Variants in SH3RF1 observed in about 807,000 individuals in gnomAD.
SH3RF1 encodes the protein E3 ubiquitin-protein ligase SH3RF1.
In SH3RF1, 32 loss-of-function variants were observed where a neutral mutation model predicts 74.0. That is an observed-to-expected ratio of 0.43 (90% CI 0.33 to 0.58). The LOEUF is 0.58. Ranked by LOEUF, SH3RF1 falls within the 20% of genes least tolerant of loss-of-function variation. SH3RF1 has a pLI of 0.05. For synonymous variants in SH3RF1, 396 were observed against 439.6 expected (o/e 0.90, Z 1.24); for missense variants, 954 against 1,130.9 (o/e 0.84, Z 2.24).
intron 2 of SH3RF1, among the ~76,000 whole-genome samples, chr4:169,206,107 T>A (rs1730252902): frequency 6.6e-6 from 1 of 152,246 alleles, no homozygotes; most frequent in African/African-American, 2.4e-5. Flanking sequence ...ATCAATAATT[T>A]CAAGGATTTT....
chr4:169,218,723 C>G (rs1316491744), intron 2 of SH3RF1, among the ~76,000 whole-genome samples: 3 of 151,814 alleles, frequency 2.0e-5, no homozygotes, highest in African/African-American at 7.3e-5. Context: ...CTTTTTATAG[C>G]TGGTGAAAGC....
In SH3RF1 at chr4:169,136,620, A is replaced by T; in HGVS notation, c.766T>A (p.Phe256Ile). The T allele has an allele frequency of 6.7e-7, 1 of 1,494,274 alleles. No individual in the cohort carries two copies. 92.6% of individuals were successfully genotyped at this position (1,494,274 alleles called of 1,614,324 possible). ...IGIFPISYVE[F>I]NSAAKQLIEW... ...ATCAGCTGCTTAGCAGCCGAGTTAA[A>T]CTGCAAAAGCAACCAACAAACCAAC... is the stretch of plus-strand genomic sequence containing the variant. The change falls in exon 5 of 12, where the codon TTT (phenylalanine) becomes ATT (isoleucine). Residue 256 changes from phenylalanine to isoleucine, a missense_variant and splice_region_variant. Physicochemically the swap from Phe to Ile is conservative, Grantham distance 21. This residue lies in a region of SH3RF1 where 854 missense variants were observed against 962.5 expected (regional missense o/e 0.89). Transcript: ENST00000284637.
chr4:169,130,807 C>T (rs956113617), intron 5 of SH3RF1, among the ~76,000 whole-genome samples: 2 of 152,200 alleles, frequency 1.3e-5, no homozygotes, highest in African/African-American at 2.4e-5. Context: ...TTGAGTTATT[C>T]AGGTCATTTC....
chr4:169,240,373 T>C (rs1579157672), intron 2 of SH3RF1, among the ~76,000 whole-genome samples: 1 of 151,862 alleles, frequency 6.6e-6, no homozygotes, highest in Non-Finnish European at 1.5e-5. Flanking sequence ...ATTTTTTTAA[T>C]TTTTTGCAGA....
At chr4:169,225,023 A>T (rs1263334121) in intron 2 of SH3RF1, among the ~76,000 whole-genome samples, 2 of 152,202 alleles carry the variant, frequency 1.3e-5, no homozygotes, top group Non-Finnish European at 2.9e-5. Flanking sequence ...AAAAAGAGGG[A>T]GACCAGCTCA....
chr4:169,100,064 C>T (rs926872683), intron 11 of SH3RF1, among the ~76,000 whole-genome samples: 3 of 152,292 alleles, frequency 2.0e-5, no homozygotes, highest in Non-Finnish European at 4.4e-5. Context: ...CATTGAAAGG[C>T]TTTGCCAAGT....
chr4:169,227,505 G>C (rs866418372), intron 2 of SH3RF1, among the ~76,000 whole-genome samples: 3 of 152,202 alleles, frequency 2.0e-5, no homozygotes, highest in African/African-American at 7.2e-5. Context: ...TGGAATTTAT[G>C]CTTTAGAACT....
At chr4:169,236,296 G>A (rs1056455011) in intron 2 of SH3RF1, among the ~76,000 whole-genome samples, 2 of 152,178 alleles carry the variant, frequency 1.3e-5, no homozygotes, top group East Asian at 1.9e-4. Flanking sequence ...GCCAGAACTC[G>A]ACTTGCCAAT....
chr4:169,270,761 G>GGC (rs1731437420), intron 1 of SH3RF1, 98 bp downstream of exon 1: 1 of 152,188 alleles, frequency 6.6e-6, no homozygotes, highest in Non-Finnish European at 1.5e-5. Flanking sequence ...ACCGACCCAG[G>GGC]GCGGGGATGG....
intron 2 of SH3RF1, among the ~76,000 whole-genome samples, chr4:169,179,912 T>A (rs1579122804): frequency 6.6e-6 from 1 of 152,220 alleles, no homozygotes; most frequent in East Asian, 1.9e-4. Flanking sequence ...GCCTTGGTAA[T>A]CATGGTGGAT....
intron 2 of SH3RF1, among the ~76,000 whole-genome samples, chr4:169,265,088 A>G (rs1273171973): frequency 6.6e-6 from 1 of 152,150 alleles, no homozygotes; most frequent in African/African-American, 2.4e-5. Flanking sequence ...TGTGTCTTAG[A>G]ACTTACTTAA....
At chr4:169,108,529 G>T (rs1011220450) in intron 10 of SH3RF1, among the ~76,000 whole-genome samples, 2 of 152,166 alleles carry the variant, frequency 1.3e-5, no homozygotes, top group African/African-American at 4.8e-5. Context: ...GCTAGAAATG[G>T]GAAGAGAGGG....
At chr4:169,190,087 G>A (rs965176454) in intron 2 of SH3RF1, among the ~76,000 whole-genome samples, 1 of 152,096 alleles carries the variant, frequency 6.6e-6, no homozygotes, top group Non-Finnish European at 1.5e-5. Context: ...GTGCCAAGAG[G>A]AAAGTTCATA....
chr4:169,146,903 T>C (rs1418441297), intron 4 of SH3RF1, among the ~76,000 whole-genome samples: 1 of 151,994 alleles, frequency 6.6e-6, no homozygotes, highest in Non-Finnish European at 1.5e-5. Flanking sequence ...TCCTGGAGGA[T>C]GAAAGGCCTA....
chr4:169,110,149 A>C (rs1733216357), intron 10 of SH3RF1, among the ~76,000 whole-genome samples: 1 of 151,946 alleles, frequency 6.6e-6, no homozygotes, highest in Admixed American at 6.5e-5. Context: ...CCAAGGCGGC[A>C]GGATTGCTTG....
At chr4:169,250,030 G>A (rs1171701452) in intron 2 of SH3RF1, among the ~76,000 whole-genome samples, 1 of 152,118 alleles carries the variant, frequency 6.6e-6, no homozygotes, top group Non-Finnish European at 1.5e-5. Flanking sequence ...CTCAAGTCAC[G>A]ACACAGCCAA....
At chr4:169,189,354 C>A (rs921055012) in intron 2 of SH3RF1, among the ~76,000 whole-genome samples, 2 of 152,226 alleles carry the variant, frequency 1.3e-5, no homozygotes, top group African/African-American at 4.8e-5. Flanking sequence ...ATCTGGTATT[C>A]TATTTTGACC....
chr4:169,140,899 A>G (rs1389948654), intron 4 of SH3RF1, among the ~76,000 whole-genome samples: 2 of 151,812 alleles, frequency 1.3e-5, no homozygotes, highest in East Asian at 3.9e-4. Flanking sequence ...TGTCCAACCC[A>G]CGGTCCTCTA....
intron 2 of SH3RF1, among the ~76,000 whole-genome samples, chr4:169,265,016 T>C (rs900050928): frequency 6.6e-6 from 1 of 152,190 alleles, no homozygotes; most frequent in Admixed American, 6.5e-5. Context: ...CTTTTGAAGA[T>C]CACACACACA....
Sources: gnomAD v4.1 joint callset for allele counts (sites outside exome capture counted in the v4.1 genomes callset) on GRCh38, gnomAD v4.1.1 for gene constraint, gnomAD v4.1.1 regional missense constraint, MANE v1.5 for transcripts, NCBI Gene and HGNC (gene_info 2026-07-23, HGNC 2026-07-21) for gene names.